The following TSHZ3 variants were observed in gnomAD, a reference collection of about 807,000 sequenced individuals.
TSHZ3 encodes teashirt zinc finger homeobox 3.
Under a neutral mutation model 64.5 loss-of-function variants are expected in TSHZ3, and 10 were observed. The ratio of observed to expected loss-of-function variants is 0.16; its 90% CI spans 0.10 to 0.26. TSHZ3 has a LOEUF of 0.26. TSHZ3 is among the 10% of genes least tolerant of loss of function. The pLI is 1.00. For missense variants in TSHZ3, 1,242 were observed against 1,421.7 expected (o/e 0.87, Z 2.03); for synonymous variants, 608 against 593.1 (o/e 1.03, Z -0.36).
chr19:31,315,810 C>A (rs571692061), intron 1 of TSHZ3, among the ~76,000 whole-genome samples: 1 of 152,190 alleles, frequency 6.6e-6, no homozygotes, highest in Non-Finnish European at 1.5e-5. Flanking sequence ...AAGGCTTCAA[C>A]CATATCCAAT....
At chr19:31,166,640 C>T (rs1460806040) in intron 5 of TSHZ3, among the ~76,000 whole-genome samples, 1 of 152,154 alleles carries the variant, frequency 6.6e-6, no homozygotes, top group East Asian at 1.9e-4. Context: ...TCATATTAGG[C>T]TTTGGGTTCA....
At chr19:31,315,008 CCCAA>C (rs1218002689) in intron 1 of TSHZ3, among the ~76,000 whole-genome samples, 2 of 152,168 alleles carry the variant, frequency 1.3e-5, no homozygotes, top group Non-Finnish European at 2.9e-5. Context: ...GGGATGTAAT[CCCAA>C]GCAGGGAATC....
intron 4 of TSHZ3, among the ~76,000 whole-genome samples, chr19:31,222,597 T>G (rs937548983): frequency 4.6e-5 from 7 of 152,188 alleles, no homozygotes; most frequent in African/African-American, 1.7e-4. Flanking sequence ...ATTTCACCCT[T>G]AAATGTTTCT....
chr19:31,304,591 G>T (rs557701624), intron 1 of TSHZ3, among the ~76,000 whole-genome samples: 2 of 152,216 alleles, frequency 1.3e-5, no homozygotes, highest in South Asian at 4.1e-4. Context: ...TTACTTTTTA[G>T]CACCGAGAGT....
chr19:31,243,149 G>C (rs551847082), intron 1 of TSHZ3, among the ~76,000 whole-genome samples: 4 of 152,180 alleles, frequency 2.6e-5, no homozygotes, highest in Non-Finnish European at 5.9e-5. Flanking sequence ...TTCAATGAAA[G>C]GAAAGATGCA....
At chr19:31,208,439 C>T (rs968004309) in intron 4 of TSHZ3, among the ~76,000 whole-genome samples, 2 of 152,268 alleles carry the variant, frequency 1.3e-5, no homozygotes, top group South Asian at 2.1e-4. Context: ...GGGCTAGGAA[C>T]CCTGCAATGT....
upstream of TSHZ3, among the ~76,000 whole-genome samples, chr19:31,350,021 C>G (rs1029891803): frequency 6.8e-6 from 1 of 147,866 alleles, no homozygotes; most frequent in African/African-American, 2.5e-5. Flanking sequence ...CCCGCCGAGC[C>G]CGTCCCGGGG....
chr19:31,310,440 G>A (rs1015126649), intron 1 of TSHZ3, among the ~76,000 whole-genome samples: 1 of 152,150 alleles, frequency 6.6e-6, no homozygotes, highest in African/African-American at 2.4e-5. Flanking sequence ...AGGGTGGTCT[G>A]CAAGTATCTG....
At chr19:31,335,956 C>T (rs2080106576) in intron 1 of TSHZ3, among the ~76,000 whole-genome samples, 1 of 152,176 alleles carries the variant, frequency 6.6e-6, no homozygotes, top group Admixed American at 6.5e-5. Context: ...GGGACGGAGT[C>T]CCTAGTGCAC....
chr19:31,245,098 GATTT>G (rs1975743818), intron 1 of TSHZ3, among the ~76,000 whole-genome samples: 1 of 152,080 alleles, frequency 6.6e-6, no homozygotes, highest in African/African-American at 2.4e-5. Context: ...GATTGTTGGT[GATTT>G]ATTATTTTTT....
chr19:31,238,325 G>A lies in TSHZ3; in HGVS notation n.550+3944C>T, dbSNP rs12974986. Among the ~76,000 whole-genome samples, 1,460 of 146,412 alleles carry A rather than the reference G, an allele frequency of 1.0e-2. 13 individuals are homozygous for A. Among genetic ancestry groups the A allele is most frequent in the Non-Finnish European group, 0.014 (961 of 67,180 alleles). ...GACTGCAGAGCAATGGCACAATCTT[G>A]GTTCACTGCAACCTCCACCTCCCAG... On this transcript the variant is annotated intron_variant and non_coding_transcript_variant, in intron 3 of 6. Coordinates refer to the TSHZ3 transcript ENST00000651361.
chr19:31,320,215 A>T (rs1474814714), intron 1 of TSHZ3, among the ~76,000 whole-genome samples: 1 of 152,214 alleles, frequency 6.6e-6, no homozygotes, highest in African/African-American at 2.4e-5. Flanking sequence ...CCGCTCAGGC[A>T]GGCGGTGGGT....
intron 5 of TSHZ3, among the ~76,000 whole-genome samples, chr19:31,202,466 C>T (rs1369601647): frequency 6.6e-6 from 1 of 152,032 alleles, no homozygotes; most frequent in East Asian, 1.9e-4. Context: ...ATTCATATAA[C>T]CATTTTCTAT....
chr19:31,252,740 T>G (rs1399714343), intron 1 of TSHZ3, among the ~76,000 whole-genome samples: 1 of 152,220 alleles, frequency 6.6e-6, no homozygotes, highest in Non-Finnish European at 1.5e-5. Flanking sequence ...ACCTCTTTCC[T>G]GTATAAATTA....
At chr19:31,241,242 A>G (rs1200488006) in intron 3 of TSHZ3, among the ~76,000 whole-genome samples, 1 of 152,188 alleles carries the variant, frequency 6.6e-6, no homozygotes, top group Non-Finnish European at 1.5e-5. Context: ...GGAAAGTCCA[A>G]GGTATTTCCC....
At chr19:31,151,480 A>G (rs1363966251) in exon 7 of TSHZ3, among the ~76,000 whole-genome samples, 1 of 152,188 alleles carries the variant, frequency 6.6e-6, no homozygotes, top group East Asian at 1.9e-4. Flanking sequence ...TTCAACCCCC[A>G]AAATTATCAA....
chr19:31,247,584 G>A (rs750527562), intron 1 of TSHZ3, among the ~76,000 whole-genome samples: 3 of 152,188 alleles, frequency 2.0e-5, no homozygotes, highest in Non-Finnish European at 2.9e-5. Flanking sequence ...GATGAGCACC[G>A]AAGGCAACTC....
At chr19:31,330,707 G>GGT (rs1555739244) in intron 1 of TSHZ3, among the ~76,000 whole-genome samples, 16 of 100,294 alleles carry the variant, frequency 1.6e-4, no homozygotes, top group African/African-American at 4.6e-4. Context: ...TTAATCCTTG[G>GGT]GCGGGGGGAG....
At chr19:31,177,528 C>T (rs968875585) in intron 5 of TSHZ3, among the ~76,000 whole-genome samples, 2 of 152,268 alleles carry the variant, frequency 1.3e-5, no homozygotes, top group African/African-American at 4.8e-5. Context: ...CCTCTGCATG[C>T]CTTTGGGTCT....
Sources: gnomAD v4.1 joint callset for allele counts (sites outside exome capture counted in the v4.1 genomes callset) on GRCh38, gnomAD v4.1.1 for gene constraint, MANE v1.5 for transcripts, NCBI Gene and HGNC (gene_info 2026-07-23, HGNC 2026-07-21) for gene names.